The following RPRD1A variants were observed in gnomAD, a reference collection of about 807,000 sequenced individuals.
RPRD1A encodes the protein regulation of nuclear pre-mRNA domain-containing protein 1A.
RPRD1A carries 9 observed loss-of-function variants against 37.8 expected under a neutral mutation model. That is an observed-to-expected ratio of 0.24 (90% CI 0.14 to 0.42). The LOEUF (loss-of-function observed/expected upper bound fraction) is 0.42, where lower values mean the gene tolerates loss of function less well. Ranked by LOEUF, RPRD1A falls within the 10% of genes least tolerant of loss-of-function variation. The pLI, the probability that RPRD1A is intolerant of heterozygous loss-of-function variation, is 1.00. For synonymous variants in RPRD1A, 138 were observed against 139.7 expected (o/e 0.99, Z 0.08); for missense variants, 255 against 371.0 (o/e 0.69, Z 2.57).
intron 1 of RPRD1A, among the ~76,000 whole-genome samples, chr18:36,048,780 T>C (rs949515566): frequency 6.6e-6 from 1 of 151,892 alleles, no homozygotes; most frequent in Non-Finnish European, 1.5e-5. Context: ...TTCTAGCAAG[T>C]ACAATAGGGC....
chr18:36,006,486 G>A, intron 6 of RPRD1A, among the ~76,000 whole-genome samples: 1 of 152,228 alleles, frequency 6.6e-6, no homozygotes, highest in Non-Finnish European at 1.5e-5. Flanking sequence ...ATGAGCCACT[G>A]TGCTTGGCCA....
chr18:36,000,810 G>T (rs1909368573), intron 6 of RPRD1A, among the ~76,000 whole-genome samples: 1 of 152,052 alleles, frequency 6.6e-6, no homozygotes, highest in Non-Finnish European at 1.5e-5. Flanking sequence ...GGCAAAAGGG[G>T]GCTCCAACTT....
At chr18:36,067,200 C>T in intron 1 of RPRD1A, 54 bp downstream of exon 1, 2 of 1,505,988 alleles carry the variant, frequency 1.3e-6, no homozygotes, top group Middle Eastern at 1.9e-4. Context: ...TTCCCGGGGG[C>T]GCCTGGAGGC....
At chr18:36,056,402 C>G (rs893351487) in intron 1 of RPRD1A, among the ~76,000 whole-genome samples, 1 of 152,074 alleles carries the variant, frequency 6.6e-6, no homozygotes, top group African/African-American at 2.4e-5. Flanking sequence ...ATTCTCCTGC[C>G]TCAGCCTCCC....
chr18:36,028,783 C>A (rs1328882499), intron 4 of RPRD1A, among the ~76,000 whole-genome samples: 1 of 152,136 alleles, frequency 6.6e-6, no homozygotes, highest in Admixed American at 6.5e-5. Flanking sequence ...GACCACAAAG[C>A]TGAACCATTG....
intron 6 of RPRD1A, among the ~76,000 whole-genome samples, chr18:36,014,613 G>C (rs1910385518): frequency 6.6e-6 from 1 of 152,090 alleles, no homozygotes; most frequent in South Asian, 2.1e-4. Flanking sequence ...TGTGGTGGCG[G>C]GCGCCTATAG....
chr18:35,995,033 C>CT (rs1448597211), intron 6 of RPRD1A, among the ~76,000 whole-genome samples: 2 of 152,062 alleles, frequency 1.3e-5, no homozygotes, highest in Non-Finnish European at 2.9e-5. Context: ...GAGAAGTGAG[C>CT]TAATAGCAAA....
Position 36,030,871 on chromosome 18 carries a change from TTC to T in RPRD1A, c.421_422del (p.Glu141ThrfsTer6), listed in dbSNP as rs775691465. The T allele has an allele frequency of 6.2e-7, 1 of 1,613,282 alleles. No homozygotes were observed. Among genetic ancestry groups the T allele is most frequent in the Non-Finnish European group, 8.5e-7 (1 of 1,179,548 alleles). ...TTTCATTTTCATCCACCTTTATCTG[TTC>T]ATAAGTTCGCTTCCTAGGCTTCTTA... ...GDKKPRKRTYEQIKVDENENC... is the reference protein window; with the variant it reads ...GDKKPRKRTYXQIKVDENENC... On this transcript the variant is annotated frameshift_variant, in exon 4 of 7. Coordinates refer to ENST00000399022, the MANE Select transcript of RPRD1A (RefSeq NM_018170.5). LOFTEE classifies it high-confidence loss of function.
intron 1 of RPRD1A, among the ~76,000 whole-genome samples, chr18:36,041,820 G>C (rs1328391288): frequency 6.6e-6 from 1 of 152,236 alleles, no homozygotes; most frequent in Non-Finnish European, 1.5e-5. Flanking sequence ...GATTCTATCT[G>C]TCCCAGACAG....
At chr18:36,057,288 C>T (rs1277795169) in intron 1 of RPRD1A, among the ~76,000 whole-genome samples, 1 of 151,648 alleles carries the variant, frequency 6.6e-6, no homozygotes, top group African/African-American at 2.4e-5. Flanking sequence ...CACCTTAAGT[C>T]ACTTATTTTC....
At chr18:36,014,525 T>A (rs1910376276) in intron 6 of RPRD1A, among the ~76,000 whole-genome samples, 1 of 152,148 alleles carries the variant, frequency 6.6e-6, no homozygotes, top group African/African-American at 2.4e-5. Flanking sequence ...GATCACGAGG[T>A]CAGGAGATCG....
chr18:36,017,406 T>C (rs939977078), intron 6 of RPRD1A, among the ~76,000 whole-genome samples: 1 of 152,150 alleles, frequency 6.6e-6, no homozygotes, highest in Admixed American at 6.5e-5. Context: ...CTACTGCTAA[T>C]CTCTCTCCAA....
In RPRD1A at chr18:36,047,297, A is replaced by G. The variant is rs532474866; in HGVS notation, c.152-13460T>C. Among the ~76,000 whole-genome samples, 115 of 152,296 alleles carry G rather than the reference A, an allele frequency of 7.6e-4. No individual in the cohort carries two copies. The South Asian group carries it at 8.3e-3, about 11-fold the overall frequency. Reference sequence around the variant, plus strand: ...ATATAAAATATGTTGAAAATACAACATAACAAAAATCTGTGGGGCATAGCT... The same window carrying G: ...ATATAAAATATGTTGAAAATACAACGTAACAAAAATCTGTGGGGCATAGCT... On this transcript the variant is annotated intron_variant, in intron 1 of 6. Coordinates refer to ENST00000399022, the MANE Select transcript of RPRD1A (RefSeq NM_018170.5).
intron 1 of RPRD1A, among the ~76,000 whole-genome samples, chr18:36,048,771 T>C (rs541578344): frequency 1.4e-4 from 21 of 152,168 alleles, no homozygotes; most frequent in African/African-American, 4.8e-4. Flanking sequence ...TGCTGGAAAT[T>C]CTAGCAAGTA....
At chr18:36,052,661 C>T (rs899996597) in intron 1 of RPRD1A, among the ~76,000 whole-genome samples, 4 of 152,110 alleles carry the variant, frequency 2.6e-5, no homozygotes, top group African/African-American at 7.2e-5. Context: ...TGCAATCACA[C>T]GATCTCAGCT....
intron 6 of RPRD1A, among the ~76,000 whole-genome samples, chr18:35,999,999 G>C (rs961491858): frequency 2.6e-5 from 4 of 152,026 alleles, no homozygotes; most frequent in South Asian, 2.1e-4. Context: ...CCCTTTTCTA[G>C]ATTAGAGGAA....
intron 1 of RPRD1A, among the ~76,000 whole-genome samples, chr18:36,062,177 C>T (rs1042821615): frequency 2.6e-5 from 4 of 151,162 alleles, no homozygotes; most frequent in Non-Finnish European, 5.9e-5. Flanking sequence ...ATTAGCCGGG[C>T]GCGGTGGCGG....
intron 6 of RPRD1A, among the ~76,000 whole-genome samples, chr18:36,007,268 G>A (rs1909801272): frequency 6.6e-6 from 1 of 152,126 alleles, no homozygotes; most frequent in South Asian, 2.1e-4. Flanking sequence ...CAACTAGCAA[G>A]CAGGTCAGAA....
Position 35,990,924 on chromosome 18 carries a change from G to C in RPRD1A, c.*2227C>G, listed in dbSNP as rs1377619207. 2 of 152,162 alleles carry C rather than the reference G, an allele frequency of 1.3e-5. No homozygotes were observed. The highest frequency in any genetic ancestry group is 2.4e-5 in the African/African-American group (1 of 41,422). 9.4% of individuals were successfully genotyped at this position (152,162 alleles called of 1,614,324 possible). A position where few individuals can be genotyped will look rare whatever the true frequency, so the allele number is the denominator to read the frequency against. Reference sequence around the variant, plus strand: ...ATACGTTAACCAACAACTGAAGTTTGTGGAGGATTGGTCGAGGGGTGGGAT... The same window carrying C: ...ATACGTTAACCAACAACTGAAGTTTCTGGAGGATTGGTCGAGGGGTGGGAT... On this transcript the variant is annotated 3_prime_UTR_variant, in exon 7 of 7. Transcript: ENST00000399022.
Sources: allele counts gnomAD v4.1 joint callset (sites outside exome capture counted in the v4.1 genomes callset), GRCh38; gene constraint gnomAD v4.1.1; transcripts MANE v1.5; gene names NCBI Gene and HGNC (gene_info 2026-07-23, HGNC 2026-07-21).